Variants in CCSER1 observed in about 807,000 individuals in gnomAD.
CCSER1 encodes the protein serine-rich coiled-coil domain-containing protein 1.
Under a neutral mutation model 82.0 loss-of-function variants are expected in CCSER1, and 41 were observed. That is an observed-to-expected ratio of 0.50 (90% confidence interval 0.39 to 0.65). CCSER1 has a LOEUF of 0.65. Ranked by LOEUF, CCSER1 falls within the 30% of genes least tolerant of loss-of-function variation. The probability of loss-of-function intolerance (pLI) is 0.00; values close to 1 mark genes in which losing one functional copy is unlikely to be tolerated. For missense variants in CCSER1, 1,119 were observed against 1,064.2 expected (o/e 1.05, Z -0.72); for synonymous variants, 414 against 383.9 (o/e 1.08, Z -0.92).
At chr4:91,149,051 T>C (rs1218160096) in intron 10 of CCSER1, among the ~76,000 whole-genome samples, 1 of 152,100 alleles carries the variant, frequency 6.6e-6, no homozygotes, top group Admixed American at 6.6e-5. Context: ...CTTGAGGAAT[T>C]GCCACACTGC....
chr4:90,900,814 G>A (rs988632534), intron 8 of CCSER1, among the ~76,000 whole-genome samples: 53 of 151,822 alleles, frequency 3.5e-4, no homozygotes, highest in African/African-American at 1.2e-3. Flanking sequence ...AGGTCATTTG[G>A]TCAAGTCTAA....
At chr4:91,243,766 C>T (rs1020389253) in intron 10 of CCSER1, among the ~76,000 whole-genome samples, 1 of 152,192 alleles carries the variant, frequency 6.6e-6, no homozygotes, top group African/African-American at 2.4e-5. Context: ...AGCAGTAATA[C>T]CCACGGAGTA....
intron 10 of CCSER1, among the ~76,000 whole-genome samples, chr4:91,427,230 A>G (rs1263075115): frequency 6.6e-6 from 1 of 152,174 alleles, no homozygotes; most frequent in African/African-American, 2.4e-5. Flanking sequence ...CAGATGGGAC[A>G]CATTGATTGC....
chr4:91,312,001 G>A (rs1745514201), intron 10 of CCSER1, among the ~76,000 whole-genome samples: 1 of 151,674 alleles, frequency 6.6e-6, no homozygotes, highest in Non-Finnish European at 1.5e-5. Context: ...AAAGTGAGGA[G>A]GAAATTATTC....
At chr4:90,202,464 G>C (rs1356148782) in intron 1 of CCSER1, among the ~76,000 whole-genome samples, 2 of 152,010 alleles carry the variant, frequency 1.3e-5, no homozygotes, top group African/African-American at 4.8e-5. Context: ...TGGCCTCCCA[G>C]AGTGCTGGAA....
chr4:91,571,684 C>CTATT (rs1254294587), intron 10 of CCSER1, among the ~76,000 whole-genome samples: 6 of 152,102 alleles, frequency 3.9e-5, no homozygotes, highest in African/African-American at 1.4e-4. Flanking sequence ...ATAATGGAAA[C>CTATT]TATTATAGAA....
At chr4:90,696,914 G>T (rs2149258745) in intron 6 of CCSER1, among the ~76,000 whole-genome samples, 1 of 152,216 alleles carries the variant, frequency 6.6e-6, no homozygotes, top group South Asian at 2.1e-4. Context: ...GCAGAGGGAT[G>T]GTGCTGAATT....
intron 10 of CCSER1, among the ~76,000 whole-genome samples, chr4:91,465,767 T>G (rs1379174339): frequency 6.6e-6 from 1 of 152,042 alleles, no homozygotes; most frequent in Non-Finnish European, 1.5e-5. Context: ...AATGGACAAA[T>G]TCCTGGACAC....
chr4:91,552,278 A>C (rs549632663), intron 10 of CCSER1, among the ~76,000 whole-genome samples: 1 of 151,854 alleles, frequency 6.6e-6, no homozygotes, highest in African/African-American at 2.4e-5. Flanking sequence ...GAGACCCTCA[A>C]ATATTCTTAT....
chr4:90,315,837 C>A (rs1321616518), intron 3 of CCSER1, among the ~76,000 whole-genome samples: 2 of 152,144 alleles, frequency 1.3e-5, no homozygotes, highest in Non-Finnish European at 2.9e-5. Context: ...ATTTAAAATG[C>A]ATGAAATATG....
chr4:91,002,509 G>A lies in CCSER1; in HGVS notation c.2172+79062G>A, dbSNP rs149537111. On this transcript the variant is annotated intron_variant, in intron 9 of 10. Transcript: ENST00000509176. ...GGAGACCCTGTCTTCAAGCTCAGAAGTTCTTTATTCTGCTTGCTCCAGTCT... is the reference window on the plus strand; with the variant it reads ...GGAGACCCTGTCTTCAAGCTCAGAAATTCTTTATTCTGCTTGCTCCAGTCT... 5.2e-3 allele frequency among the ~76,000 whole-genome samples: 799 copies of A among 152,238 alleles called. 8 individuals are homozygous for A. Among genetic ancestry groups the A allele is most frequent in the African/African-American group, 0.018 (752 of 41,566 alleles).
chr4:90,291,740 A>C (rs1730979803), intron 1 of CCSER1, among the ~76,000 whole-genome samples: 1 of 152,114 alleles, frequency 6.6e-6, no homozygotes, highest in South Asian at 2.1e-4. Context: ...TCAAAGAACA[A>C]TATAGGCAAT....
chr4:90,300,439 T>C (rs967778226), intron 1 of CCSER1, among the ~76,000 whole-genome samples: 7 of 152,160 alleles, frequency 4.6e-5, no homozygotes, highest in African/African-American at 1.4e-4. Flanking sequence ...CTTAAAAAAC[T>C]CTATAAAATA....
rs539522000 is a variant in CCSER1 at position 90,170,881 on chromosome 4, C to G, written c.-42+43050C>G. Among the ~76,000 whole-genome samples the G allele has an allele frequency of 1.1e-3, 166 of 151,930 alleles. 3 individuals carry two copies. The South Asian group carries it at 0.033, about 30-fold the overall frequency. ...GATTTCCTTTCTTCTGAGTATGTAGCTAGCAGTGGGATTGCTGGATCATAT... is the reference window on the plus strand; with the variant it reads ...GATTTCCTTTCTTCTGAGTATGTAGGTAGCAGTGGGATTGCTGGATCATAT... On this transcript the variant is annotated intron_variant, in intron 1 of 10. Transcript: ENST00000509176.
intron 10 of CCSER1, among the ~76,000 whole-genome samples, chr4:91,495,656 T>A (rs1403891125): frequency 4.6e-5 from 7 of 151,562 alleles, no homozygotes; most frequent in Admixed American, 6.6e-5. Context: ...TAATTTTGGT[T>A]TACAAGCAGA....
chr4:90,398,813 G>T (rs1419130067), intron 3 of CCSER1, among the ~76,000 whole-genome samples: 1 of 152,032 alleles, frequency 6.6e-6, no homozygotes, highest in Admixed American at 6.6e-5. Context: ...TCAAACCATG[G>T]TATGTGCACT....
chr4:90,884,862 A>T (rs1262749644), intron 8 of CCSER1, among the ~76,000 whole-genome samples: 1 of 152,134 alleles, frequency 6.6e-6, no homozygotes, highest in African/African-American at 2.4e-5. Flanking sequence ...AGATTGAAGC[A>T]ATGGGCAGAT....
chr4:91,333,622 C>G (rs936030049), intron 10 of CCSER1, among the ~76,000 whole-genome samples: 1 of 152,054 alleles, frequency 6.6e-6, no homozygotes, highest in African/African-American at 2.4e-5. Flanking sequence ...AACACCTCTT[C>G]TGGCTGTAAT....
At chr4:91,071,978 T>C (rs1436805640) in intron 9 of CCSER1, among the ~76,000 whole-genome samples, 1 of 152,162 alleles carries the variant, frequency 6.6e-6, no homozygotes, top group Non-Finnish European at 1.5e-5. Context: ...ATAAAGTTTA[T>C]ATTGGTGATT....
Sources: gnomAD v4.1 joint callset for allele counts (sites outside exome capture counted in the v4.1 genomes callset) on GRCh38, gnomAD v4.1.1 for gene constraint, MANE v1.5 for transcripts, NCBI Gene and HGNC (gene_info 2026-07-23, HGNC 2026-07-21) for gene names.